ANO4: variants seen among roughly 807,000 people sequenced by gnomAD.
ANO4 encodes anoctamin-4.
Under a neutral mutation model 141.9 loss-of-function variants are expected in ANO4, and 69 were observed. That is an observed-to-expected ratio of 0.49 (90% confidence interval 0.40 to 0.59). ANO4 has a LOEUF of 0.59. ANO4 is among the 20% of genes least tolerant of loss of function. ANO4 has a pLI of 0.00. For missense variants in ANO4, 894 were observed against 1,162.2 expected, an observed-to-expected ratio of 0.77 and a Z score of 3.36; for synonymous variants, 350 against 394.3, an observed-to-expected ratio of 0.89 and a Z score of 1.33.
chr12:101,066,876 C>G (rs1274619828), intron 14 of ANO4: 2 of 1,072,714 alleles, frequency 1.9e-6, no homozygotes, highest in Non-Finnish European at 2.9e-6. Flanking sequence ...GTCAAATTTA[C>G]AGTGCACACA....
intron 26 of ANO4, among the ~76,000 whole-genome samples, chr12:101,126,199 T>C (rs1384345774): frequency 6.6e-6 from 1 of 152,228 alleles, no homozygotes; most frequent in Non-Finnish European, 1.5e-5. Flanking sequence ...AGCAGTATCA[T>C]TTGAACATGA....
chr12:100,761,133 C>G (rs956189918), intron 3 of ANO4, among the ~76,000 whole-genome samples: 9 of 152,092 alleles, frequency 5.9e-5, no homozygotes, highest in African/African-American at 2.2e-4. Context: ...TGTTCCAACT[C>G]CTAACTGTAT....
chr12:100,870,734 A>G (rs148707221), intron 1 of ANO4, among the ~76,000 whole-genome samples: 1 of 152,274 alleles, frequency 6.6e-6, no homozygotes, highest in African/African-American at 2.4e-5. Context: ...CAGGAAATCA[A>G]TATCTAGGCT....
intron 1 of ANO4, among the ~76,000 whole-genome samples, chr12:100,725,646 G>A (rs568090094): frequency 1.1e-4 from 16 of 152,176 alleles, no homozygotes; most frequent in East Asian, 1.9e-4. Flanking sequence ...ACACCCGGCC[G>A]GAAATTGCTA....
chr12:100,823,669 T>C (rs2036177089), intron 1 of ANO4, among the ~76,000 whole-genome samples: 2 of 152,086 alleles, frequency 1.3e-5, no homozygotes, highest in Admixed American at 1.3e-4. Flanking sequence ...AAATCTATTT[T>C]TTTCATAAAT....
chr12:100,734,878 G>A (rs1565844564), intron 2 of ANO4, among the ~76,000 whole-genome samples: 1 of 152,182 alleles, frequency 6.6e-6, no homozygotes, highest in Non-Finnish European at 1.5e-5. Context: ...CATTAAAATT[G>A]ATTTTGCAGA....
rs139563492 is a variant in ANO4 at position 101,055,312 on chromosome 12, A to C, written c.1312+6911A>C. ...AATATCAGCATGATATGAGAATTCCAGGTGTTCCACATTCTCACAAGCACT... is the reference window on the plus strand; with the variant it reads ...AATATCAGCATGATATGAGAATTCCCGGTGTTCCACATTCTCACAAGCACT... On this transcript the variant is annotated intron_variant, in intron 14 of 27. Transcript: ENST00000392977. 2.1e-3 allele frequency among the ~76,000 whole-genome samples: 318 copies of C among 152,354 alleles called. 3 individuals carry two copies. The highest frequency in any genetic ancestry group is 7.1e-3 in the African/African-American group (294 of 41,580).
intron 3 of ANO4, among the ~76,000 whole-genome samples, chr12:100,773,363 T>C (rs192546345): frequency 2.2e-3 from 331 of 152,362 alleles, no homozygotes; most frequent in Non-Finnish European, 4.1e-3. Context: ...CCTAGATATT[T>C]GTGTTCTCAG....
chr12:100,751,636 A>T (rs920691241), intron 3 of ANO4, among the ~76,000 whole-genome samples: 2 of 151,972 alleles, frequency 1.3e-5, no homozygotes, highest in Non-Finnish European at 2.9e-5. Context: ...TTCAGCAGCT[A>T]TTTATTGAGT....
chr12:100,730,844 A>G (rs1161605871), intron 1 of ANO4, among the ~76,000 whole-genome samples: 1 of 152,144 alleles, frequency 6.6e-6, no homozygotes, highest in Non-Finnish European at 1.5e-5. Flanking sequence ...TTTTAAAAAT[A>G]TTTCCTAGCA....
intron 7 of ANO4, among the ~76,000 whole-genome samples, chr12:100,984,680 G>C (rs921375603): frequency 8.5e-5 from 13 of 152,170 alleles, no homozygotes; most frequent in African/African-American, 1.7e-4. Flanking sequence ...AGGTCATACA[G>C]CTGAGGCGCA....
At chr12:100,814,551 T>G (rs2035621504) in intron 1 of ANO4, among the ~76,000 whole-genome samples, 1 of 152,138 alleles carries the variant, frequency 6.6e-6, no homozygotes, top group Admixed American at 6.6e-5. Flanking sequence ...CTGATGTTCT[T>G]CTAGTCCTTA....
At chr12:100,888,653 G>A (rs551293649) in intron 1 of ANO4, among the ~76,000 whole-genome samples, 2 of 152,340 alleles carry the variant, frequency 1.3e-5, no homozygotes, top group East Asian at 1.9e-4. Context: ...GGGAGCCCAG[G>A]TGATGAAGGA....
intron 1 of ANO4, among the ~76,000 whole-genome samples, chr12:100,872,640 G>C (rs2039090166): frequency 6.6e-6 from 1 of 152,162 alleles, no homozygotes; most frequent in Non-Finnish European, 1.5e-5. Flanking sequence ...TATGATGCTA[G>C]GAAAAAGCCA....
intron 5 of ANO4, among the ~76,000 whole-genome samples, chr12:100,957,932 C>T (rs1362906754): frequency 6.6e-6 from 1 of 152,106 alleles, no homozygotes; most frequent in Non-Finnish European, 1.5e-5. Context: ...GGTCTCAAAC[C>T]CCTGGCTTCA....
chr12:101,073,914 G>A (rs2048924017), intron 14 of ANO4, among the ~76,000 whole-genome samples: 1 of 152,062 alleles, frequency 6.6e-6, no homozygotes, highest in Non-Finnish European at 1.5e-5. Context: ...TTTTATTTGT[G>A]GATAGGTAGG....
chr12:101,123,013 A>G (rs1417768418), intron 26 of ANO4, among the ~76,000 whole-genome samples: 1 of 152,226 alleles, frequency 6.6e-6, no homozygotes, highest in African/African-American at 2.4e-5. Flanking sequence ...TGCTGTAAAA[A>G]TAGTTTGCAT....
At chr12:100,947,724 A>G (rs73375013) in intron 5 of ANO4, among the ~76,000 whole-genome samples, 10,009 of 152,220 alleles carry the variant, frequency 0.066, 1,030 homozygotes, top group African/African-American at 0.22. Flanking sequence ...ACATTTATTA[A>G]TCACTTACTA....
intron 14 of ANO4, among the ~76,000 whole-genome samples, chr12:101,054,624 C>G (rs567850241): frequency 1.6e-4 from 25 of 152,262 alleles, no homozygotes; most frequent in African/African-American, 4.8e-4. Flanking sequence ...GTCAGCCTCT[C>G]GAGTAGCTGG....
Sources: gnomAD v4.1 joint callset for allele counts (sites outside exome capture counted in the v4.1 genomes callset) on GRCh38, gnomAD v4.1.1 for gene constraint, MANE v1.5 for transcripts, NCBI Gene and HGNC (gene_info 2026-07-23, HGNC 2026-07-21) for gene names.